The following ITCH variants were observed in gnomAD, a reference collection of about 807,000 sequenced individuals.
The protein encoded by ITCH is E3 ubiquitin-protein ligase Itchy homolog.
A neutral mutation model predicts 126.8 loss-of-function variants in ITCH; 28 were observed. The ratio of observed to expected loss-of-function variants is 0.22; its 90% confidence interval spans 0.16 to 0.30. The LOEUF is 0.30. Ranked by LOEUF, ITCH falls within the 10% of genes least tolerant of loss-of-function variation. ITCH has a pLI of 1.00. For synonymous variants in ITCH, 342 were observed against 340.0 expected, an observed-to-expected ratio of 1.01 and a Z score of -0.06; for missense variants, 631 against 1,032.4, an observed-to-expected ratio of 0.61 and a Z score of 5.33.
At chr20:34,491,195 A>C (rs1989484635) in intron 22 of ITCH, among the ~76,000 whole-genome samples, 1 of 152,216 alleles carries the variant, frequency 6.6e-6, no homozygotes, top group Non-Finnish European at 1.5e-5. Flanking sequence ...TCTGTGTTGG[A>C]ATATTATTCA....
At chr20:34,454,526 A>AG (rs2146341211) in intron 12 of ITCH, 1 of 152,280 alleles carries the variant, frequency 6.6e-6, no homozygotes, top group Non-Finnish European at 1.5e-5. Flanking sequence ...CATGAGAGGC[A>AG]GAGTCCCACT....
At chr20:34,490,887 A>G (rs976430684) in intron 22 of ITCH, among the ~76,000 whole-genome samples, 1 of 152,232 alleles carries the variant, frequency 6.6e-6, no homozygotes, top group Admixed American at 6.5e-5. Flanking sequence ...GTACACCAGT[A>G]TTCATCATTC....
At chr20:34,403,011 G>GTT (rs910634311) in intron 3 of ITCH, among the ~76,000 whole-genome samples, 1 of 148,380 alleles carries the variant, frequency 6.7e-6, no homozygotes, top group Non-Finnish European at 1.5e-5. Context: ...TTATACTTAT[G>GTT]TTTTTTTTTT....
rs138103652 is a variant in ITCH at position 34,438,852 on chromosome 20, A to G, written c.679+221A>G. ...AGGCAGTGCTCTACTGAGAATGAAA[A>G]TGACATGTGCGTAATATAAAGTATA... On this transcript the variant is annotated intron_variant, in intron 8 of 24. Coordinates refer to ENST00000374864, the MANE Select transcript of ITCH (RefSeq NM_031483.7). Among the ~76,000 whole-genome samples the G allele has an allele frequency of 1.7e-3, 262 of 152,320 alleles. 1 individual carries two copies. The highest frequency in any genetic ancestry group is 2.9e-3 in the Non-Finnish European group (197 of 68,034).
intron 11 of ITCH, among the ~76,000 whole-genome samples, chr20:34,448,000 C>A (rs181551295): frequency 6.6e-6 from 1 of 152,264 alleles, no homozygotes; most frequent in East Asian, 1.9e-4. Context: ...CTGATTTTAA[C>A]AAATAAGCAA....
intron 14 of ITCH, chr20:34,466,384 T>TATA: frequency 1.9e-6 from 1 of 532,750 alleles, no homozygotes; most frequent in South Asian, 1.4e-5. Flanking sequence ...AGTTTTCTTA[T>TATA]AGTGTGGCTT....
At chr20:34,494,991 C>T (rs1334790910) in intron 23 of ITCH, among the ~76,000 whole-genome samples, 1 of 151,608 alleles carries the variant, frequency 6.6e-6, no homozygotes, top group Admixed American at 6.6e-5. Flanking sequence ...GTGGCTCACG[C>T]CTGTAATCCC....
chr20:34,429,442 A>G (rs1010839318), intron 7 of ITCH, among the ~76,000 whole-genome samples: 15 of 152,228 alleles, frequency 9.9e-5, no homozygotes, highest in Non-Finnish European at 1.8e-4. Context: ...TTTAGAGCAC[A>G]TTAGAATCAC....
At chr20:34,432,869 A>G (rs113583712) in intron 7 of ITCH, among the ~76,000 whole-genome samples, 4 of 152,336 alleles carry the variant, frequency 2.6e-5, no homozygotes, top group African/African-American at 9.6e-5. Context: ...AGTCAGGAGA[A>G]TCTGTGGAAC....
rs138149403 is a variant in ITCH, at chr20:34,382,896, G to A, written c.-21-10895G>A. On this transcript the variant is annotated intron_variant, in intron 2 of 24. Coordinates refer to ENST00000374864, the MANE Select transcript of ITCH (RefSeq NM_031483.7). ...GTAGCTGGGATTACAGGCACGCACC[G>A]CCACGCCTGGCTAATTTTTGTATTT... Among the ~76,000 whole-genome samples the A allele has an allele frequency of 7.9e-3, 1,180 of 150,316 alleles. 17 individuals are homozygous for A. The highest frequency in any genetic ancestry group is 0.027 in the African/African-American group (1,113 of 40,772).
At chr20:34,412,757 A>G (rs1891002894) in intron 5 of ITCH, 118 bp downstream of exon 5, 15 of 840,748 alleles carry the variant, frequency 1.8e-5, no homozygotes, top group Admixed American at 2.3e-5. Context: ...TTACTTGGTT[A>G]TAGGATGAAC....
At chr20:34,363,506 C>T (rs1009123159) in intron 1 of ITCH, among the ~76,000 whole-genome samples, 157 bp downstream of exon 1, 2 of 151,972 alleles carry the variant, frequency 1.3e-5, no homozygotes, top group African/African-American at 2.4e-5. Flanking sequence ...CTGTCGGGGG[C>T]GCGGGGAGCT....
rs183893157 is a variant in ITCH at position 34,413,789 on chromosome 20, A to G, written c.385A>G (p.Thr129Ala). The G allele has an allele frequency of 8.9e-5, 143 of 1,613,512 alleles. No homozygotes were observed. In the East Asian group the frequency reaches 2.7e-3, roughly 31 times the overall value. ...GCAGCTTGGAGGTGACAAAGAGCCA[A>G]CAGAGACAATAGGAGACTTGTCAAT... is the stretch of plus-strand genomic sequence containing the variant. ...TLQLGGDKEPTETIGDLSICL... is the reference protein window; with the variant it reads ...TLQLGGDKEPAETIGDLSICL... The change falls in exon 6 of 25, where the codon ACA (threonine) becomes GCA (alanine). Residue 129 changes from threonine to alanine, a missense_variant. Around this residue, in one of 4 missense-constraint regions of ITCH, gnomAD observed 220 missense variants for 265.7 expected, o/e 0.83. Coordinates refer to ENST00000374864, the MANE Select transcript of ITCH (RefSeq NM_031483.7).
intron 14 of ITCH, among the ~76,000 whole-genome samples, chr20:34,467,570 G>T (rs1311855612): frequency 6.6e-6 from 1 of 151,202 alleles, no homozygotes; most frequent in Non-Finnish European, 1.5e-5. Context: ...GAAAATTCTG[G>T]CCTAGATGGT....
intron 2 of ITCH, among the ~76,000 whole-genome samples, chr20:34,383,295 T>C (rs1334898847): frequency 6.6e-6 from 1 of 151,822 alleles, no homozygotes; most frequent in Non-Finnish European, 1.5e-5. Flanking sequence ...CCTCCTACCT[T>C]GACCTCCCAA....
At chr20:34,404,529 C>A (rs1230689805) in intron 3 of ITCH, among the ~76,000 whole-genome samples, 1 of 150,736 alleles carries the variant, frequency 6.6e-6, no homozygotes, top group Non-Finnish European at 1.5e-5. Flanking sequence ...CAGTGATTCT[C>A]CTGCCTCAGC....
chr20:34,372,975 CT>C (rs749322692), intron 2 of ITCH, among the ~76,000 whole-genome samples: 1,739 of 139,128 alleles, frequency 0.012, 20 homozygotes, highest in African/African-American at 0.029. Flanking sequence ...GAATGTATTC[CT>C]TTTTTTTTTT....
chr20:34,479,727 GCTT>G lies in ITCH; in HGVS notation c.1760_1762del (p.Ser587del). On this transcript the variant is annotated inframe_deletion, in exon 18 of 25. Transcript: ENST00000374864. ...TAACTACTGCTTGCAGATAAACCCCGCTTCTTACATCAATCCAGATCACCTGAA... is the reference window on the plus strand; with the variant it reads ...TAACTACTGCTTGCAGATAAACCCCGCTTACATCAATCCAGATCACCTGAA... 1 of 1,613,960 alleles carries G rather than the reference GCTT, an allele frequency of 6.2e-7. No homozygotes were observed. Among genetic ancestry groups the G allele is most frequent in the Non-Finnish European group, 8.5e-7 (1 of 1,179,930 alleles).
chr20:34,385,837 C>G (rs1004205928), intron 2 of ITCH, among the ~76,000 whole-genome samples: 13 of 152,110 alleles, frequency 8.5e-5, no homozygotes, highest in South Asian at 4.1e-4. Flanking sequence ...GTGTGATGTT[C>G]AGAACCAAAG....
Sources: allele counts gnomAD v4.1 joint callset (sites outside exome capture counted in the v4.1 genomes callset), GRCh38; gene constraint gnomAD v4.1.1; regional missense constraint gnomAD v4.1.1; transcripts MANE v1.5; gene names NCBI Gene and HGNC (gene_info 2026-07-23, HGNC 2026-07-21).